KCTD8: variants seen among roughly 807,000 people sequenced by gnomAD.
KCTD8 encodes potassium channel tetramerization domain containing 8.
In KCTD8, 27 loss-of-function variants were observed where a neutral mutation model predicts 31.5. The observed-to-expected ratio is 0.86, with a 90% CI of 0.63 to 1.18. The LOEUF is 1.18. KCTD8 is among the 50% of genes most tolerant of loss of function. The probability of loss-of-function intolerance (pLI) is 0.00; values close to 1 mark genes in which losing one functional copy is unlikely to be tolerated. For synonymous variants in KCTD8, 290 were observed against 280.0 expected (o/e 1.04, Z -0.36); for missense variants, 658 against 647.7 (o/e 1.02, Z -0.17).
intron 1 of KCTD8, among the ~76,000 whole-genome samples, chr4:44,181,971 G>T (rs1465574726): frequency 2.6e-5 from 4 of 151,108 alleles, no homozygotes; most frequent in South Asian, 2.1e-4. Flanking sequence ...GAGCCCCTCC[G>T]CCCGGCAGCC....
At chr4:44,353,365 T>C (rs1252634143) in intron 1 of KCTD8, among the ~76,000 whole-genome samples, 1 of 152,072 alleles carries the variant, frequency 6.6e-6, no homozygotes, top group Non-Finnish European at 1.5e-5. Flanking sequence ...GAGTTGTATA[T>C]ATTTATGGGA....
chr4:44,338,270 T>G (rs1240968005), intron 1 of KCTD8, among the ~76,000 whole-genome samples: 2 of 152,162 alleles, frequency 1.3e-5, no homozygotes, highest in African/African-American at 4.8e-5. Context: ...AAAGTTATTT[T>G]TCAAATTAGC....
intron 1 of KCTD8, among the ~76,000 whole-genome samples, chr4:44,340,480 T>G (rs1203192901): frequency 6.6e-6 from 1 of 151,390 alleles, no homozygotes; most frequent in African/African-American, 2.4e-5. Context: ...TTTTTTTTTT[T>G]TGTATTTTTA....
chr4:44,405,881 T>C (rs1032515990), intron 1 of KCTD8, among the ~76,000 whole-genome samples: 4 of 145,334 alleles, frequency 2.8e-5, no homozygotes, highest in Non-Finnish European at 6.0e-5. Context: ...AGCATGTCCA[T>C]GAGCCATTGT....
chr4:44,181,173 CCATGG>C (rs1713372715), intron 1 of KCTD8, among the ~76,000 whole-genome samples: 1 of 149,980 alleles, frequency 6.7e-6, no homozygotes, highest in Non-Finnish European at 1.5e-5. Flanking sequence ...CTCCCTCTCC[CCATGG>C]TCTCCCTCTC....
intron 1 of KCTD8, among the ~76,000 whole-genome samples, chr4:44,222,348 G>A (rs1236836596): frequency 6.6e-6 from 1 of 152,204 alleles, no homozygotes; most frequent in Non-Finnish European, 1.5e-5. Flanking sequence ...GAAATCAGCA[G>A]AGACAAATTG....
intron 1 of KCTD8, among the ~76,000 whole-genome samples, chr4:44,403,726 A>G (rs868314206): frequency 6.6e-6 from 1 of 152,160 alleles, no homozygotes; most frequent in Non-Finnish European, 1.5e-5. Context: ...TCCCATCTCC[A>G]AACAGTCATA....
chr4:44,202,046 C>T (rs892473002), intron 1 of KCTD8, among the ~76,000 whole-genome samples: 9 of 152,080 alleles, frequency 5.9e-5, no homozygotes, highest in African/African-American at 2.2e-4. Context: ...AAATACCCAA[C>T]ATTACTAATC....
intron 1 of KCTD8, among the ~76,000 whole-genome samples, chr4:44,235,562 T>G (rs1299302466): frequency 3.0e-3 from 159 of 53,032 alleles, no homozygotes; most frequent in African/African-American, 0.015. Context: ...TATATATATA[T>G]ATATATATAT....
At chr4:44,270,246 A>C (rs1428539356) in intron 1 of KCTD8, among the ~76,000 whole-genome samples, 1 of 152,010 alleles carries the variant, frequency 6.6e-6, no homozygotes, top group Non-Finnish European at 1.5e-5. Context: ...TTGTAGGGAC[A>C]TGGATGAAAT....
chr4:44,202,734 C>T (rs936871222), intron 1 of KCTD8, among the ~76,000 whole-genome samples: 1 of 152,050 alleles, frequency 6.6e-6, no homozygotes, highest in Non-Finnish European at 1.5e-5. Context: ...ATTACACCCA[C>T]ATAACAAACC....
intron 1 of KCTD8, among the ~76,000 whole-genome samples, chr4:44,248,054 C>A (rs1715720128): frequency 6.6e-6 from 1 of 151,878 alleles, no homozygotes; most frequent in Non-Finnish European, 1.5e-5. Flanking sequence ...TGCCTCTGGT[C>A]TTGCCCTGTT....
intron 1 of KCTD8, among the ~76,000 whole-genome samples, chr4:44,358,830 A>G (rs1344314275): frequency 2.0e-5 from 3 of 151,856 alleles, no homozygotes; most frequent in Non-Finnish European, 4.4e-5. Context: ...CGGCCTCCCA[A>G]TGTGTGTTTC....
At chr4:44,179,451 A>G (rs1203669326) in intron 1 of KCTD8, among the ~76,000 whole-genome samples, 2 of 149,804 alleles carry the variant, frequency 1.3e-5, no homozygotes. Context: ...AGTTATACAC[A>G]TTAATTAGAA....
intron 1 of KCTD8, among the ~76,000 whole-genome samples, chr4:44,260,777 C>A (rs1302464717): frequency 6.6e-6 from 1 of 151,918 alleles, no homozygotes; most frequent in Non-Finnish European, 1.5e-5. Flanking sequence ...TGGATCACAG[C>A]AGCCACAACA....
At chr4:44,401,220 G>A (rs1720645435) in intron 1 of KCTD8, among the ~76,000 whole-genome samples, 3 of 151,954 alleles carry the variant, frequency 2.0e-5, no homozygotes, top group Admixed American at 2.0e-4. Flanking sequence ...GTAGGCATAT[G>A]GGTGCAGAAG....
chr4:44,430,165 G>GA (rs2109476737), intron 1 of KCTD8, among the ~76,000 whole-genome samples: 1 of 151,894 alleles, frequency 6.6e-6, no homozygotes, highest in East Asian at 1.9e-4. Context: ...ATATTCAGTA[G>GA]AAATAAACTG....
At chr4:44,446,136 G>T (rs1166071510) in intron 1 of KCTD8, among the ~76,000 whole-genome samples, 3 of 152,160 alleles carry the variant, frequency 2.0e-5, no homozygotes, top group African/African-American at 7.2e-5. Flanking sequence ...GAACCTGTGT[G>T]CTGTGGTTTG....
At chr4:44,190,911 T>G (rs543350359) in intron 1 of KCTD8, among the ~76,000 whole-genome samples, 1 of 152,238 alleles carries the variant, frequency 6.6e-6, no homozygotes, top group Non-Finnish European at 1.5e-5. Context: ...TTTTATTAGA[T>G]GCAAATACCC....
Sources: gnomAD v4.1 joint callset for allele counts (sites outside exome capture counted in the v4.1 genomes callset) on GRCh38, gnomAD v4.1.1 for gene constraint, MANE v1.5 for transcripts, NCBI Gene and HGNC (gene_info 2026-07-23, HGNC 2026-07-21) for gene names.